Variants in CTNND2 observed in about 807,000 individuals in gnomAD.
The protein encoded by CTNND2 is catenin delta-2.
CTNND2 carries 22 observed loss-of-function variants against 144.4 expected under a neutral mutation model. The observed-to-expected ratio is 0.15, with a 90% confidence interval of 0.11 to 0.22. CTNND2 has a LOEUF of 0.22. Ranked by LOEUF, CTNND2 falls within the 10% of genes least tolerant of loss-of-function variation. The pLI, the probability that CTNND2 is intolerant of heterozygous loss-of-function variation, is 1.00. For synonymous variants in CTNND2, 751 were observed against 695.6 expected (o/e 1.08, Z -1.25); for missense variants, 1,353 against 1,618.8 (o/e 0.84, Z 2.82).
intron 3 of CTNND2, among the ~76,000 whole-genome samples, chr5:11,459,135 T>G (rs879503928): frequency 6.6e-6 from 1 of 152,156 alleles, no homozygotes. Flanking sequence ...ACACAGAAAG[T>G]GCTTAGCAGA....
At chr5:11,126,595 A>G (rs778624776) in intron 12 of CTNND2, among the ~76,000 whole-genome samples, 1 of 152,244 alleles carries the variant, frequency 6.6e-6, no homozygotes, top group Non-Finnish European at 1.5e-5. Flanking sequence ...GTCACCGTCC[A>G]GCAAGGTAAA....
At chr5:11,291,916 A>G (rs892941895) in intron 9 of CTNND2, among the ~76,000 whole-genome samples, 4 of 152,142 alleles carry the variant, frequency 2.6e-5, no homozygotes, top group African/African-American at 9.7e-5. Context: ...TTTGCTTGCT[A>G]TACAAACCAG....
chr5:11,768,083 C>T (rs1369338041), intron 1 of CTNND2, among the ~76,000 whole-genome samples: 1 of 151,900 alleles, frequency 6.6e-6, no homozygotes, highest in Non-Finnish European at 1.5e-5. Flanking sequence ...TTTCTAATTA[C>T]AGCATTCAGC....
At chr5:11,859,370 A>C (rs1795398082) in intron 1 of CTNND2, among the ~76,000 whole-genome samples, 1 of 152,234 alleles carries the variant, frequency 6.6e-6, no homozygotes, top group African/African-American at 2.4e-5. Context: ...AGAACAAAAC[A>C]AAATACAGTA....
chr5:11,465,730 T>C (rs61757540), intron 3 of CTNND2, among the ~76,000 whole-genome samples: 29 of 152,272 alleles, frequency 1.9e-4, no homozygotes, highest in African/African-American at 7.0e-4. Flanking sequence ...AGCAAGTTGG[T>C]CCAGTTTAGA....
intron 10 of CTNND2, among the ~76,000 whole-genome samples, chr5:11,228,178 C>T (rs1471655855): frequency 1.3e-5 from 2 of 151,716 alleles, no homozygotes; most frequent in African/African-American, 4.8e-5. Flanking sequence ...CCCGTCTCTA[C>T]TAAAAATACA....
chr5:11,084,414 G>A (rs1236242733), intron 15 of CTNND2, among the ~76,000 whole-genome samples: 2 of 152,166 alleles, frequency 1.3e-5, no homozygotes, highest in Non-Finnish European at 2.9e-5. Flanking sequence ...CCCCAGCTTG[G>A]AAAAGCCTGG....
intron 5 of CTNND2, among the ~76,000 whole-genome samples, chr5:11,398,961 T>C (rs1175899148): frequency 6.6e-6 from 1 of 152,162 alleles, no homozygotes; most frequent in Non-Finnish European, 1.5e-5. Flanking sequence ...GGAGAGCCTC[T>C]GGAGGTGGGG....
At chr5:11,372,714 C>G (rs1337202651) in intron 7 of CTNND2, among the ~76,000 whole-genome samples, 1 of 152,180 alleles carries the variant, frequency 6.6e-6, no homozygotes, top group Admixed American at 6.5e-5. Context: ...ATGCCACAGG[C>G]ATATGAATGC....
At chr5:11,520,588 T>C (rs1046979853) in intron 3 of CTNND2, among the ~76,000 whole-genome samples, 2 of 152,238 alleles carry the variant, frequency 1.3e-5, no homozygotes, top group African/African-American at 4.8e-5. Flanking sequence ...ATCTCAATCA[T>C]AGCAACTTGT....
intron 2 of CTNND2, among the ~76,000 whole-genome samples, chr5:11,710,707 AT>A (rs1171571303): frequency 2.0e-5 from 3 of 152,092 alleles, no homozygotes; most frequent in Non-Finnish European, 2.9e-5. Flanking sequence ...CTACAAGTCT[AT>A]TTTTTCCCTA....
intron 1 of CTNND2, among the ~76,000 whole-genome samples, chr5:11,895,713 CAG>C (rs1737339527): frequency 6.6e-6 from 1 of 151,942 alleles, no homozygotes; most frequent in South Asian, 2.1e-4. Flanking sequence ...TAAGACATGA[CAG>C]AGTGACATAA....
chr5:11,151,917 T>C (rs1011137469), intron 12 of CTNND2, among the ~76,000 whole-genome samples: 1 of 152,168 alleles, frequency 6.6e-6, no homozygotes, highest in Non-Finnish European at 1.5e-5. Context: ...GATACTCCTT[T>C]TGGGGAAGAA....
intron 2 of CTNND2, among the ~76,000 whole-genome samples, chr5:11,569,030 CAATAGAAGCCAAGATAATA>C (rs1777349524): frequency 6.6e-6 from 1 of 152,032 alleles, no homozygotes; most frequent in Non-Finnish European, 1.5e-5. Flanking sequence ...ATAGAAGAAA[CAATAGAAGCCAAGATAATA>C]AATAGAAGAG....
intron 1 of CTNND2, among the ~76,000 whole-genome samples, chr5:11,847,142 A>G (rs1313300508): frequency 1.7e-5 from 1 of 58,208 alleles, no homozygotes; most frequent in Non-Finnish European, 3.6e-5. Context: ...ATATATATAT[A>G]TATATATATA....
intron 3 of CTNND2, among the ~76,000 whole-genome samples, chr5:11,456,594 C>A (rs532138473): frequency 2.0e-4 from 30 of 152,220 alleles, no homozygotes; most frequent in Non-Finnish European, 3.1e-4. Flanking sequence ...TGTTATTCAA[C>A]ATTTCTATTA....
chr5:11,012,758 C>T (rs898563168), intron 18 of CTNND2, among the ~76,000 whole-genome samples: 2 of 152,306 alleles, frequency 1.3e-5, no homozygotes, highest in South Asian at 2.1e-4. Context: ...TTTCAGACAC[C>T]AATGTGATCT....
At position 11,527,034 on chromosome 5, in the gene CTNND2, C is replaced by A. The variant is rs1773315303; in HGVS notation, c.287+37910G>T. Among the ~76,000 whole-genome samples the A allele has an allele frequency of 3.3e-5, 5 of 151,816 alleles. No individual in the cohort carries two copies. The South Asian group carries it at 1.0e-3, about 31-fold the overall frequency. Reference sequence around the variant, plus strand: ...GCTTACATAATGTACCTAGAGTAGGCAAATTCATAGAGACAAAAGAAAAAG... The same window carrying A: ...GCTTACATAATGTACCTAGAGTAGGAAAATTCATAGAGACAAAAGAAAAAG... On this transcript the variant is annotated intron_variant, in intron 3 of 21. Transcript: ENST00000304623.
intron 2 of CTNND2, among the ~76,000 whole-genome samples, chr5:11,608,504 T>A (rs1037554970): frequency 1.3e-5 from 2 of 152,306 alleles, no homozygotes; most frequent in East Asian, 1.9e-4. Context: ...GCAACCCAGT[T>A]GTAGGGAACA....
Sources: allele counts gnomAD v4.1 joint callset (sites outside exome capture counted in the v4.1 genomes callset), GRCh38; gene constraint gnomAD v4.1.1; transcripts MANE v1.5; gene names NCBI Gene and HGNC (gene_info 2026-07-23, HGNC 2026-07-21).